The following CSMD3 variants were observed in gnomAD, a reference collection of about 807,000 sequenced individuals.
CSMD3 encodes the protein CUB and Sushi multiple domains 3, also known as CUB and sushi domain-containing protein 3.
Under a neutral mutation model 435.2 loss-of-function variants are expected in CSMD3, and 177 were observed. The observed-to-expected ratio is 0.41, with a 90% CI of 0.36 to 0.46. The LOEUF (loss-of-function observed/expected upper bound fraction) is 0.46. Ranked by LOEUF, CSMD3 falls within the 20% of genes least tolerant of loss-of-function variation. The pLI is 0.34. For synonymous variants in CSMD3, 1,656 were observed against 1,520.5 expected (o/e 1.09, Z -2.07); for missense variants, 4,265 against 4,504.6 (o/e 0.95, Z 1.52).
chr8:113,245,158 G>T (rs894013969), intron 3 of CSMD3, among the ~76,000 whole-genome samples: 23 of 152,196 alleles, frequency 1.5e-4, no homozygotes, highest in African/African-American at 5.3e-4. Flanking sequence ...TGAAATAAAA[G>T]TGTCTCTTTT....
intron 13 of CSMD3, among the ~76,000 whole-genome samples, chr8:112,790,264 TC>T (rs2078653888): frequency 6.6e-6 from 1 of 151,866 alleles, no homozygotes; most frequent in Admixed American, 6.6e-5. Context: ...CTGACTCTAA[TC>T]AGGAATATAG....
At chr8:113,309,535 C>CT (rs2093850969) in intron 2 of CSMD3, 1 of 152,160 alleles carries the variant, frequency 6.6e-6, no homozygotes, top group Admixed American at 6.5e-5. Context: ...TATGTTAACA[C>CT]TTACACTTAC....
chr8:112,878,731 C>A (rs2081362355), intron 10 of CSMD3, among the ~76,000 whole-genome samples: 1 of 152,116 alleles, frequency 6.6e-6, no homozygotes, highest in Non-Finnish European at 1.5e-5. Flanking sequence ...GAATACTATG[C>A]AGCCAGAAAA....
At chr8:112,948,637 G>A (rs1158463898) in intron 8 of CSMD3, among the ~76,000 whole-genome samples, 1 of 151,746 alleles carries the variant, frequency 6.6e-6, no homozygotes, top group African/African-American at 2.4e-5. Context: ...GAGTGATATT[G>A]TTTAATAAAT....
rs150871437 is a variant in CSMD3 at position 112,885,617 on chromosome 8, C to T, written c.1634-26351G>A. ...GCCAGAGTCTAAGCTTTAAAAAACA[C>T]TGTGTAATAAAAGTTTGCTGTATAA... On this transcript the variant is annotated intron_variant, in intron 10 of 70. Transcript: ENST00000297405. Among the ~76,000 whole-genome samples the T allele has an allele frequency of 1.9e-3, 289 of 151,830 alleles. 3 individuals carry two copies. The highest frequency in any genetic ancestry group is 6.6e-3 in the African/African-American group (273 of 41,498).
At chr8:112,531,101 G>T (rs1230782414) in intron 27 of CSMD3, among the ~76,000 whole-genome samples, 1 of 152,046 alleles carries the variant, frequency 6.6e-6, no homozygotes, top group East Asian at 1.9e-4. Flanking sequence ...GAGACAAACA[G>T]AGAGACATCT....
intron 7 of CSMD3, among the ~76,000 whole-genome samples, chr8:112,955,752 T>G (rs117477146): frequency 1.3e-5 from 2 of 152,026 alleles, no homozygotes; most frequent in African/African-American, 2.4e-5. Context: ...TGGAAATCTT[T>G]ACATATTACT....
At chr8:112,896,236 C>A (rs1462338052) in intron 10 of CSMD3, among the ~76,000 whole-genome samples, 1 of 151,294 alleles carries the variant, frequency 6.6e-6, no homozygotes. Context: ...GGTGTTCTGG[C>A]CACAACTCTA....
intron 52 of CSMD3, 122 bp from the exon 53 acceptor site, chr8:112,302,088 T>C (rs575613451): frequency 5.0e-5 from 36 of 722,524 alleles, no homozygotes; most frequent in East Asian, 1.6e-4. Context: ...GAAATTGGCA[T>C]TTGTAAAACA....
At chr8:112,451,484 A>G (rs1486623011) in intron 32 of CSMD3, among the ~76,000 whole-genome samples, 3 of 152,110 alleles carry the variant, frequency 2.0e-5, no homozygotes, top group Non-Finnish European at 4.4e-5. Flanking sequence ...GTCTGATTAT[A>G]TGGTCTTTTA....
intron 32 of CSMD3, among the ~76,000 whole-genome samples, chr8:112,434,174 C>G (rs1380566240): frequency 1.3e-5 from 2 of 152,010 alleles, no homozygotes; most frequent in African/African-American, 2.4e-5. Context: ...GCAAACTCAC[C>G]ACTAAGATTC....
chr8:113,367,069 A>G (rs898691802), intron 1 of CSMD3, among the ~76,000 whole-genome samples: 3 of 151,894 alleles, frequency 2.0e-5, no homozygotes, highest in Admixed American at 2.0e-4. Flanking sequence ...TGATTGAGTC[A>G]ATTAAATCAG....
At chr8:112,573,901 T>G (rs2131303638) in intron 23 of CSMD3, among the ~76,000 whole-genome samples, 1 of 152,106 alleles carries the variant, frequency 6.6e-6, no homozygotes, top group South Asian at 2.1e-4. Context: ...GTGATATAGC[T>G]TCTTTTCTTA....
At chr8:112,410,138 G>T (rs1211548372) in intron 32 of CSMD3, among the ~76,000 whole-genome samples, 1 of 151,818 alleles carries the variant, frequency 6.6e-6, no homozygotes, top group African/African-American at 2.4e-5. Context: ...TTTTGCATAT[G>T]AATTCAGGTA....
intron 4 of CSMD3, among the ~76,000 whole-genome samples, chr8:113,168,741 TC>T (rs1231196260): frequency 6.6e-6 from 1 of 151,978 alleles, no homozygotes; most frequent in Non-Finnish European, 1.5e-5. Context: ...GTGTCTTGTT[TC>T]AATATAGTAC....
intron 22 of CSMD3, among the ~76,000 whole-genome samples, chr8:112,600,221 T>TA (rs979665708): frequency 6.6e-6 from 1 of 152,096 alleles, no homozygotes; most frequent in African/African-American, 2.4e-5. Context: ...TAGAACACGA[T>TA]ATATATAATA....
intron 13 of CSMD3, among the ~76,000 whole-genome samples, chr8:112,734,876 T>C (rs2077152726): frequency 6.6e-6 from 1 of 151,964 alleles, no homozygotes; most frequent in African/African-American, 2.4e-5. Flanking sequence ...AGAAAGTACT[T>C]CCTTCTATCA....
intron 27 of CSMD3, among the ~76,000 whole-genome samples, chr8:112,546,350 A>G (rs1395168067): frequency 6.6e-6 from 1 of 152,218 alleles, no homozygotes; most frequent in Non-Finnish European, 1.5e-5. Context: ...GGAGGGATAA[A>G]GAAGTGAGTG....
At chr8:113,042,811 C>A (rs1339614978) in intron 5 of CSMD3, among the ~76,000 whole-genome samples, 1 of 152,134 alleles carries the variant, frequency 6.6e-6, no homozygotes, top group Non-Finnish European at 1.5e-5. Context: ...TATAATAGAT[C>A]ACCCAGCCAG....
Sources: gnomAD v4.1 joint callset for allele counts (sites outside exome capture counted in the v4.1 genomes callset) on GRCh38, gnomAD v4.1.1 for gene constraint, MANE v1.5 for transcripts, NCBI Gene and HGNC (gene_info 2026-07-23, HGNC 2026-07-21) for gene names.